NOL4: variants seen among roughly 807,000 people sequenced by gnomAD.
NOL4 encodes nucleolar protein 4, also known as cancer/testis antigen 125.
A neutral mutation model predicts 75.9 loss-of-function variants in NOL4; 17 were observed. The ratio of observed to expected loss-of-function variants is 0.22; its 90% CI spans 0.15 to 0.34. The LOEUF is 0.34. Ranked by LOEUF, NOL4 falls within the 10% of genes least tolerant of loss-of-function variation. The pLI is 1.00. For synonymous variants in NOL4, 292 were observed against 289.9 expected (o/e 1.01, Z -0.07); for missense variants, 614 against 793.5 (o/e 0.77, Z 2.72).
intron 5 of NOL4, among the ~76,000 whole-genome samples, chr18:34,044,970 C>T (rs776248280): frequency 7.9e-5 from 12 of 152,184 alleles, no homozygotes; most frequent in South Asian, 2.1e-4. Flanking sequence ...TCATGCTCAC[C>T]AGACTGAGTG....
chr18:34,109,611 AG>A (rs1287160449), intron 2 of NOL4, among the ~76,000 whole-genome samples: 2 of 152,048 alleles, frequency 1.3e-5, no homozygotes, highest in Non-Finnish European at 2.9e-5. Context: ...TCAAAGAAGT[AG>A]AAAAAGAAGA....
chr18:33,853,990 A>T (rs1259089376), intron 10 of NOL4, among the ~76,000 whole-genome samples: 1 of 152,108 alleles, frequency 6.6e-6, no homozygotes, highest in Non-Finnish European at 1.5e-5. Context: ...TTCTTAGCTG[A>T]CATTAAGCAT....
At chr18:34,150,273 A>G (rs2081585089) in intron 1 of NOL4, among the ~76,000 whole-genome samples, 1 of 151,696 alleles carries the variant, frequency 6.6e-6, no homozygotes, top group Non-Finnish European at 1.5e-5. Flanking sequence ...AAAGGCACCA[A>G]GTATAGCCAA....
intron 5 of NOL4, chr18:34,023,619 T>C (rs992226491): frequency 5.2e-5 from 17 of 324,000 alleles, no homozygotes; most frequent in African/African-American, 3.6e-4. Context: ...AAACAGCACC[T>C]GGAGCTTTGG....
chr18:34,033,628 T>C (rs1242950717), intron 5 of NOL4, among the ~76,000 whole-genome samples: 1 of 152,018 alleles, frequency 6.6e-6, no homozygotes, highest in Non-Finnish European at 1.5e-5. Flanking sequence ...CTATAACTTA[T>C]TAAATAGATA....
At chr18:34,117,988 T>C (rs2079941462) in intron 2 of NOL4, among the ~76,000 whole-genome samples, 1 of 152,174 alleles carries the variant, frequency 6.6e-6, no homozygotes, top group Non-Finnish European at 1.5e-5. Flanking sequence ...AATTCACTAG[T>C]GTAATAAAAA....
At chr18:34,104,458 C>T (rs979319427) in intron 3 of NOL4, among the ~76,000 whole-genome samples, 1 of 151,828 alleles carries the variant, frequency 6.6e-6, no homozygotes, top group African/African-American at 2.4e-5. Context: ...TTCTTCTTTG[C>T]TTTACTTTCT....
At chr18:33,873,911 G>A (rs1401682448) in intron 10 of NOL4, among the ~76,000 whole-genome samples, 3 of 151,870 alleles carry the variant, frequency 2.0e-5, no homozygotes, top group Admixed American at 6.6e-5. Context: ...AAACAGAAAC[G>A]GTATCTTAGG....
At chr18:34,037,774 A>C (rs1351576490) in intron 5 of NOL4, among the ~76,000 whole-genome samples, 1 of 152,170 alleles carries the variant, frequency 6.6e-6, no homozygotes, top group African/African-American at 2.4e-5. Flanking sequence ...GATGGATTAA[A>C]GACTTACACT....
In NOL4 at chr18:34,106,795, G is replaced by T. The variant is rs1255064841; in HGVS notation, c.415-1635C>A. Among the ~76,000 whole-genome samples the T allele has an allele frequency of 2.0e-5, 3 of 151,790 alleles. No individual in the cohort carries two copies. The East Asian group carries it at 5.8e-4, about 29-fold the overall frequency. ...CACTTCTAACTGACTTATTTCATTA[G>T]AGATCATTATTTTCTTACTCTCTGA... is the stretch of plus-strand genomic sequence containing the variant. On this transcript the variant is annotated intron_variant, in intron 2 of 10. Coordinates refer to ENST00000261592, the MANE Select transcript of NOL4 (RefSeq NM_003787.5).
At chr18:34,109,488 C>A (rs1422184424) in intron 2 of NOL4, among the ~76,000 whole-genome samples, 1 of 152,030 alleles carries the variant, frequency 6.6e-6, no homozygotes, top group African/African-American at 2.4e-5. Flanking sequence ...CACTGCATTC[C>A]AGCATGAGTG....
At chr18:34,103,442 T>C (rs1427291311) in intron 4 of NOL4, among the ~76,000 whole-genome samples, 1 of 152,040 alleles carries the variant, frequency 6.6e-6, no homozygotes, top group Non-Finnish European at 1.5e-5. Flanking sequence ...TGTCTATACA[T>C]GCAGCATGTT....
At chr18:34,188,356 G>A (rs773298906) in intron 1 of NOL4, among the ~76,000 whole-genome samples, 4 of 152,132 alleles carry the variant, frequency 2.6e-5, no homozygotes, top group South Asian at 2.1e-4. Context: ...TAAATTTTTA[G>A]TAATTTCACA....
chr18:33,891,817 A>G (rs1457140766), intron 9 of NOL4, among the ~76,000 whole-genome samples: 19 of 152,180 alleles, frequency 1.2e-4, no homozygotes, highest in Non-Finnish European at 1.5e-4. Context: ...GGTATTCCAA[A>G]CCACAGTAAC....
At chr18:34,151,239 G>A (rs1398334533) in intron 1 of NOL4, among the ~76,000 whole-genome samples, 2 of 151,774 alleles carry the variant, frequency 1.3e-5, no homozygotes, top group East Asian at 3.9e-4. Flanking sequence ...GAAAACTTAA[G>A]TCTACAAGAA....
intron 10 of NOL4, among the ~76,000 whole-genome samples, chr18:33,873,750 T>C (rs2063803806): frequency 6.6e-6 from 1 of 152,036 alleles, no homozygotes; most frequent in Admixed American, 6.6e-5. Context: ...TAACACTTGG[T>C]AGTAAGACAG....
At chr18:34,113,303 C>T (rs1003653146) in intron 2 of NOL4, among the ~76,000 whole-genome samples, 2 of 152,062 alleles carry the variant, frequency 1.3e-5, no homozygotes, top group African/African-American at 4.8e-5. Context: ...ACCAAGTATG[C>T]CTCAATAAAG....
Position 33,894,908 on chromosome 18 carries a change from T to A in NOL4, c.1543-11484A>T, listed in dbSNP as rs146647383. Among the ~76,000 whole-genome samples, 678 of 152,208 alleles carry A rather than the reference T, an allele frequency of 4.5e-3. 5 individuals are homozygous for A. Among genetic ancestry groups the A allele is most frequent in the Admixed American group, 7.9e-3 (120 of 15,246 alleles). The stretch of plus-strand genomic sequence containing the variant: ...ACGAAGAACAGGTTTTGTGCTCTAT[T>A]GCACAGCAGGATGACTGTAGTCAAT... On this transcript the variant is annotated intron_variant, in intron 9 of 10. Coordinates refer to ENST00000261592, the MANE Select transcript of NOL4 (RefSeq NM_003787.5).
At chr18:34,200,333 G>A (rs910988439) in intron 1 of NOL4, among the ~76,000 whole-genome samples, 1 of 151,608 alleles carries the variant, frequency 6.6e-6, no homozygotes, top group Non-Finnish European at 1.5e-5. Flanking sequence ...TCTCAGTACC[G>A]GTGCCAGATC....
Sources: allele counts gnomAD v4.1 joint callset (sites outside exome capture counted in the v4.1 genomes callset), GRCh38; gene constraint gnomAD v4.1.1; transcripts MANE v1.5; gene names NCBI Gene and HGNC (gene_info 2026-07-23, HGNC 2026-07-21).